The following DENND5A variants were observed in gnomAD, a reference collection of about 807,000 sequenced individuals.
The protein encoded by DENND5A is DENN domain-containing protein 5A.
Under a neutral mutation model 140.3 loss-of-function variants are expected in DENND5A, and 64 were observed. The ratio of observed to expected loss-of-function variants is 0.46; its 90% CI spans 0.37 to 0.56. DENND5A has a LOEUF of 0.56. Among genes scored for constraint, DENND5A ranks in the 20% least tolerant of loss-of-function variants. The pLI, the probability that DENND5A is intolerant of heterozygous loss-of-function variation, is 0.00. For synonymous variants in DENND5A, 605 were observed against 607.7 expected (o/e 1.00, Z 0.07); for missense variants, 1,292 against 1,593.8 (o/e 0.81, Z 3.22).
chr11:9,232,618 A>C (rs1386888322), intron 1 of DENND5A, among the ~76,000 whole-genome samples: 1 of 152,210 alleles, frequency 6.6e-6, no homozygotes, highest in African/African-American at 2.4e-5. Flanking sequence ...GTGCACTGCA[A>C]GTGGGAATGT....
chr11:9,207,683 A>T, intron 1 of DENND5A, 51 bp from the exon 2 acceptor site: 1 of 1,319,270 alleles, frequency 7.6e-7, no homozygotes, highest in Non-Finnish European at 1.1e-6. Context: ...GTGTTATTCA[A>T]ACTTTTTTGA....
At chr11:9,183,541 T>G (rs1848804688) in intron 5 of DENND5A, among the ~76,000 whole-genome samples, 1 of 151,876 alleles carries the variant, frequency 6.6e-6, no homozygotes, top group Non-Finnish European at 1.5e-5. Flanking sequence ...GGCTGCCAAG[T>G]AGCTTGGACT....
At chr11:9,194,381 C>G (rs1219734061) in intron 4 of DENND5A, among the ~76,000 whole-genome samples, 2 of 152,058 alleles carry the variant, frequency 1.3e-5, no homozygotes, top group East Asian at 1.9e-4. Context: ...ACTGGCCAAC[C>G]AACATGGTGA....
At chr11:9,189,005 G>T (rs1008648512) in intron 5 of DENND5A, among the ~76,000 whole-genome samples, 1 of 152,224 alleles carries the variant, frequency 6.6e-6, no homozygotes, top group Non-Finnish European at 1.5e-5. Flanking sequence ...CTTCACGGCA[G>T]CCCCTCCCTT....
intron 1 of DENND5A, among the ~76,000 whole-genome samples, chr11:9,263,284 A>G (rs1019683306): frequency 4.0e-5 from 6 of 150,328 alleles, no homozygotes; most frequent in Admixed American, 4.0e-4. Flanking sequence ...AGACTGGCGC[A>G]ATCTCAGCTC....
rs943888493 is a variant in DENND5A, at chr11:9,139,407, G to A, written c.*264C>T. On this transcript the variant is annotated 3_prime_UTR_variant, in exon 23 of 23. Coordinates refer to ENST00000328194, the MANE Select transcript of DENND5A (RefSeq NM_015213.4). ...CAGGCTTCCAGCATGTGGCCACGGC[G>A]AGGGAGGGCACCAGCTTCAAAATAA... 8 of 443,768 alleles carry A rather than the reference G, an allele frequency of 1.8e-5. No homozygotes were observed. The highest frequency in any genetic ancestry group is 7.9e-5 in the African/African-American group (4 of 50,796). 27.5% of individuals were successfully genotyped at this position (443,768 alleles called of 1,614,324 possible). A position where few individuals can be genotyped will look rare whatever the true frequency, so the allele number is the denominator to read the frequency against.
chr11:9,161,656 A>T (rs1486971031), intron 11 of DENND5A, among the ~76,000 whole-genome samples: 4 of 152,148 alleles, frequency 2.6e-5, no homozygotes, highest in African/African-American at 4.8e-5. Flanking sequence ...AACCAAGAAA[A>T]CACATACTGC....
At chr11:9,227,905 G>A (rs1850597928) in intron 1 of DENND5A, among the ~76,000 whole-genome samples, 1 of 151,744 alleles carries the variant, frequency 6.6e-6, no homozygotes, top group African/African-American at 2.4e-5. Context: ...CGAGGTCAGG[G>A]GTTCGAGACC....
At position 9,258,667 on chromosome 11, in the gene DENND5A, C is replaced by G. The variant is rs115717695; in HGVS notation, c.109+6294G>C. Among the ~76,000 whole-genome samples the G allele has an allele frequency of 3.3e-3, 502 of 152,200 alleles. 1 individual carries two copies. Among genetic ancestry groups the G allele is most frequent in the African/African-American group, 0.012 (481 of 41,514 alleles). On this transcript the variant is annotated intron_variant, in intron 1 of 22. Coordinates refer to ENST00000328194, the MANE Select transcript of DENND5A (RefSeq NM_015213.4). Reference sequence around the variant, plus strand: ...AGACAAATTTTTTGCTTGTTCCCCCCGCATCCACCACTCATCAAAGGTCTG... The same window carrying G: ...AGACAAATTTTTTGCTTGTTCCCCCGGCATCCACCACTCATCAAAGGTCTG...
At chr11:9,207,522 A>C in intron 2 of DENND5A, 39 bp downstream of exon 2, 5 of 1,453,914 alleles carry the variant, frequency 3.4e-6, no homozygotes, top group African/African-American at 1.4e-5. Flanking sequence ...AAGAACCATT[A>C]GAAAGCTTTG....
chr11:9,193,086 G>C lies in DENND5A; in HGVS notation c.1137+408C>G, dbSNP rs570532336. 7.7e-4 allele frequency among the ~76,000 whole-genome samples: 117 copies of C among 152,110 alleles called. 2 individuals are homozygous for C. The highest frequency in any genetic ancestry group is 7.1e-3 in the South Asian group (34 of 4,814). On this transcript the variant is annotated intron_variant, in intron 5 of 22. Coordinates refer to ENST00000328194, the MANE Select transcript of DENND5A (RefSeq NM_015213.4). ...CAAGACATAAAAAAACAATTAGCTGGGCATCGTGGCACACTCCTTTAGTCC... is the reference window on the plus strand; with the variant it reads ...CAAGACATAAAAAAACAATTAGCTGCGCATCGTGGCACACTCCTTTAGTCC...
intron 13 of DENND5A, among the ~76,000 whole-genome samples, chr11:9,151,463 TG>T (rs1298751871): frequency 6.6e-6 from 1 of 152,172 alleles, no homozygotes. Context: ...TAAGCCTACC[TG>T]GAGAACTCTT....
chr11:9,167,003 C>A (rs984722728), intron 10 of DENND5A, among the ~76,000 whole-genome samples: 39 of 151,970 alleles, frequency 2.6e-4, no homozygotes, highest in Non-Finnish European at 5.0e-4. Context: ...AGATATCTAC[C>A]CTTTCTATCA....
At position 9,214,398 on chromosome 11, in the gene DENND5A, T is replaced by G. The variant is rs188281961; in HGVS notation, c.110-6766A>C. Among the ~76,000 whole-genome samples, 68 of 152,332 alleles carry G rather than the reference T, an allele frequency of 4.5e-4. 1 individual carries two copies. Among genetic ancestry groups the G allele is most frequent in the Admixed American group, 3.9e-3 (60 of 15,306 alleles). On this transcript the variant is annotated intron_variant, in intron 1 of 22. Coordinates refer to ENST00000328194, the MANE Select transcript of DENND5A (RefSeq NM_015213.4). ...TCTAATTAAATGAGAATTAACCTTA[T>G]CATTACTTTTATTAATAGATGACTT... is the stretch of plus-strand genomic sequence containing the variant.
At chr11:9,244,261 G>C (rs1296657760) in intron 1 of DENND5A, among the ~76,000 whole-genome samples, 3 of 152,214 alleles carry the variant, frequency 2.0e-5, no homozygotes, top group Admixed American at 6.5e-5. Context: ...TTCAGGTGTT[G>C]CCAATGTGAT....
chr11:9,191,030 C>T (rs540855324), intron 5 of DENND5A, among the ~76,000 whole-genome samples: 1 of 152,222 alleles, frequency 6.6e-6, no homozygotes, highest in South Asian at 2.1e-4. Flanking sequence ...AACTAGGACT[C>T]TGAAACCCAA....
intron 10 of DENND5A, among the ~76,000 whole-genome samples, chr11:9,167,203 C>T (rs1457622334): frequency 6.6e-6 from 1 of 152,092 alleles, no homozygotes; most frequent in Non-Finnish European, 1.5e-5. Flanking sequence ...AAACTTCTCC[C>T]TTCCCCCATA....
intron 11 of DENND5A, among the ~76,000 whole-genome samples, chr11:9,164,194 A>ATTTTTTTTTTTTTT (rs779522112): frequency 1.3e-5 from 1 of 79,068 alleles, no homozygotes; most frequent in African/African-American, 4.8e-5. Flanking sequence ...ACCACGCCTA[A>ATTTTTTTTTTTTTT]TTTTTTTTTT....
intron 11 of DENND5A, among the ~76,000 whole-genome samples, chr11:9,163,432 A>T (rs1319165322): frequency 6.6e-6 from 1 of 152,266 alleles, no homozygotes; most frequent in South Asian, 2.1e-4. Flanking sequence ...TCTAAAATTG[A>T]TATGTATTTC....
Sources: gnomAD v4.1 joint callset for allele counts (sites outside exome capture counted in the v4.1 genomes callset) on GRCh38, gnomAD v4.1.1 for gene constraint, MANE v1.5 for transcripts, NCBI Gene and HGNC (gene_info 2026-07-23, HGNC 2026-07-21) for gene names.